The following CDC14A variants were observed in gnomAD, a reference collection of about 807,000 sequenced individuals.
CDC14A encodes cell division cycle 14A, also known as dual specificity protein phosphatase CDC14A.
A neutral mutation model predicts 74.4 loss-of-function variants in CDC14A; 53 were observed. The ratio of observed to expected loss-of-function variants is 0.71; its 90% confidence interval spans 0.57 to 0.89. The LOEUF (loss-of-function observed/expected upper bound fraction) is 0.89, where lower values mean the gene tolerates loss of function less well. Among genes scored for constraint, CDC14A ranks in the 40% least tolerant of loss-of-function variants. CDC14A has a pLI of 0.00. For missense variants in CDC14A, 646 were observed against 713.7 expected (o/e 0.91, Z 1.08); for synonymous variants, 247 against 258.4 (o/e 0.96, Z 0.43).
rs1307916949 is a variant in CDC14A, at chr1:100,448,030, C to T, written c.519+5034C>T. 3.9e-5 allele frequency among the ~76,000 whole-genome samples: 6 copies of T among 152,296 alleles called. No individual in the cohort carries two copies. In the East Asian group the frequency reaches 5.8e-4, roughly 15 times the overall value. On this transcript the variant is annotated intron_variant, in intron 7 of 15. Transcript: ENST00000336454. Reference sequence around the variant, plus strand: ...TGATGATGGAAGTGTGATGCGGTAGCAGTGTCCTGTTCTTAGTTGGGTTTG... The same window carrying T: ...TGATGATGGAAGTGTGATGCGGTAGTAGTGTCCTGTTCTTAGTTGGGTTTG...
Position 100,498,145 on chromosome 1 carries a change from C to G in CDC14A, c.1359C>G (p.Ser453=), listed in dbSNP as rs373444603. The G allele has an allele frequency of 2.5e-6, 4 of 1,614,056 alleles. No homozygotes were observed. The change falls in exon 14 of 16, where the codon TCC becomes TCG. Residue 453 remains serine (S), a synonymous_variant. Coordinates refer to ENST00000336454, the MANE Select transcript of CDC14A (RefSeq NM_003672.4). ...VTLKTSKMAL[S]PSATAKRINR... ...TGAAGACATCAAAAATGGCACTGTCCCCTTCAGCAACGGCCAAGAGGATCA... is the reference window on the plus strand; with the variant it reads ...TGAAGACATCAAAAATGGCACTGTCGCCTTCAGCAACGGCCAAGAGGATCA...
intron 4 of CDC14A, among the ~76,000 whole-genome samples, chr1:100,407,399 C>T (rs1358314226): frequency 6.6e-6 from 1 of 152,068 alleles, no homozygotes; most frequent in Non-Finnish European, 1.5e-5. Context: ...TGTAGTTCTC[C>T]TTGAAAAGAT....
chr1:100,456,662 T>A (rs1184707184), intron 8 of CDC14A, among the ~76,000 whole-genome samples: 3 of 152,206 alleles, frequency 2.0e-5, no homozygotes, highest in Non-Finnish European at 4.4e-5. Context: ...AAGATTTATT[T>A]TTCTTTAATC....
intron 3 of CDC14A, among the ~76,000 whole-genome samples, chr1:100,382,819 C>T (rs1016805021): frequency 2.6e-5 from 4 of 152,146 alleles, no homozygotes; most frequent in Admixed American, 2.6e-4. Flanking sequence ...TATCATGAAA[C>T]CAACCATTAT....
chr1:100,380,101 A>G (rs752346665), intron 3 of CDC14A, among the ~76,000 whole-genome samples: 55 of 152,232 alleles, frequency 3.6e-4, no homozygotes, highest in Non-Finnish European at 5.1e-4. Context: ...CCAATGTAAC[A>G]TTTGTGAATT....
chr1:100,420,053 C>CATATATATATATAT (rs1420823843), intron 4 of CDC14A, among the ~76,000 whole-genome samples: 6 of 18,388 alleles, frequency 3.3e-4, no homozygotes, highest in African/African-American at 1.2e-3. Flanking sequence ...CACACACACA[C>CATATATATATATAT]ACACACACAC....
At chr1:100,485,839 A>G (rs766099177) in intron 11 of CDC14A, 4 of 152,240 alleles carry the variant, frequency 2.6e-5, no homozygotes, top group Admixed American at 1.3e-4. Flanking sequence ...CAAAGGATGG[A>G]GACCGTTGGA....
chr1:100,442,976 G>T lies in CDC14A; in HGVS notation c.499G>T (p.Asp167Tyr), dbSNP rs557417543. Residue 167 changes from aspartate to tyrosine, a missense_variant, in exon 7 of 16, where the codon GAT becomes TAT. Asp to Tyr is a radical substitution (Grantham distance 160, BLOSUM62 -3). Transcript: ENST00000336454. ...GFFDFETFDV[D>Y]EYEHYERVEN... is the part of the protein sequence containing the mutation. ...TTTTGACTTTGAGACATTTGATGTG[G>T]ATGAATATGAACATTATGAGGTTTG... 2.5e-6 allele frequency: 4 copies of T among 1,597,922 alleles called. No individual in the cohort carries two copies. The East Asian group carries it at 6.7e-5, about 27-fold the overall frequency.
At position 100,355,595 on chromosome 1, in the gene CDC14A, T is replaced by C. The variant is rs1259215622; in HGVS notation, c.140+1743T>C. Among the ~76,000 whole-genome samples, 6 of 152,302 alleles carry C rather than the reference T, an allele frequency of 3.9e-5. No homozygotes were observed. In the East Asian group the frequency reaches 7.7e-4, roughly 20 times the overall value. On this transcript the variant is annotated intron_variant, in intron 2 of 15. Coordinates refer to ENST00000336454, the MANE Select transcript of CDC14A (RefSeq NM_003672.4). ...TGCTGGAGAATCCATCCAATTTATA[T>C]TGTGAGTTGGGATTGACATTTGAAA...
chr1:100,449,143 C>T (rs1197714579), intron 7 of CDC14A, among the ~76,000 whole-genome samples: 1 of 152,176 alleles, frequency 6.6e-6, no homozygotes, highest in African/African-American at 2.4e-5. Flanking sequence ...AAGACCATTT[C>T]TATTCTAGAA....
At chr1:100,414,289 A>AC (rs1323111714) in intron 4 of CDC14A, among the ~76,000 whole-genome samples, 2 of 152,032 alleles carry the variant, frequency 1.3e-5, no homozygotes, top group East Asian at 1.9e-4. Flanking sequence ...AACATAGTAG[A>AC]CCCCATCTCT....
At chr1:100,352,408 G>C (rs1043497435), upstream of CDC14A, 1 of 964,216 alleles carries the variant, frequency 1.0e-6, no homozygotes, top group African/African-American at 1.8e-5. Context: ...AAGTGGAGGG[G>C]GCTGAGGGAG....
Position 100,498,136 on chromosome 1 carries a change from G to T in CDC14A, c.1350G>T (p.Met450Ile). The change falls in exon 14 of 16, where the codon ATG becomes ATT. Residue 450 changes from methionine to isoleucine, a missense_variant. By Grantham distance (10) the Met-to-Ile change is conservative (BLOSUM62 1). Transcript: ENST00000336454. ...CAGTTACTTTGAAGACATCAAAAAT[G>T]GCACTGTCCCCTTCAGCAACGGCCA... ...GSAVTLKTSK[M>I]ALSPSATAKR... The T allele has an allele frequency of 1.2e-6, 2 of 1,614,118 alleles. No individual in the cohort carries two copies. Among genetic ancestry groups the T allele is most frequent in the Non-Finnish European group, 1.7e-6 (2 of 1,179,966 alleles).
intron 7 of CDC14A, among the ~76,000 whole-genome samples, chr1:100,450,060 G>A (rs1557772147): frequency 1.3e-5 from 2 of 151,620 alleles, no homozygotes; most frequent in African/African-American, 4.9e-5. Flanking sequence ...ATTGCTAGAT[G>A]TTTTAATCTA....
chr1:100,379,890 A>T (rs575454818), intron 3 of CDC14A, among the ~76,000 whole-genome samples: 1 of 152,118 alleles, frequency 6.6e-6, no homozygotes, highest in East Asian at 1.9e-4. Context: ...TTAACAACAA[A>T]ATCTTGGGGG....
At chr1:100,485,536 C>T (rs923751679) in intron 11 of CDC14A, among the ~76,000 whole-genome samples, 7 of 151,706 alleles carry the variant, frequency 4.6e-5, no homozygotes, top group African/African-American at 1.7e-4. Flanking sequence ...GCACTCTATC[C>T]TGGGCGACAG....
At chr1:100,467,115 GACAT>G (rs1483077751) in intron 9 of CDC14A, among the ~76,000 whole-genome samples, 1 of 152,076 alleles carries the variant, frequency 6.6e-6, no homozygotes, top group African/African-American at 2.4e-5. Flanking sequence ...CTGATTTAAA[GACAT>G]ACATTTTTCA....
chr1:100,445,563 A>G (rs996049069), intron 7 of CDC14A, among the ~76,000 whole-genome samples: 1 of 152,216 alleles, frequency 6.6e-6, no homozygotes, highest in South Asian at 2.1e-4. Flanking sequence ...GGTGAGAGAG[A>G]AGAAGGAACA....
In CDC14A at chr1:100,377,276, G is replaced by T. The variant is rs549517119; in HGVS notation, c.141-270G>T. On this transcript the variant is annotated intron_variant, in intron 2 of 15. Coordinates refer to ENST00000336454, the MANE Select transcript of CDC14A (RefSeq NM_003672.4). ...GCTGGTCTCGAACACCTGACCTCAGGCAGTCTGCCTGCCCCAGCCTCCCAA... is the reference window on the plus strand; with the variant it reads ...GCTGGTCTCGAACACCTGACCTCAGTCAGTCTGCCTGCCCCAGCCTCCCAA... Among the ~76,000 whole-genome samples, 15 of 152,240 alleles carry T rather than the reference G, an allele frequency of 9.9e-5. No individual in the cohort carries two copies. The South Asian group carries it at 3.1e-3, about 32-fold the overall frequency.
Sources: gnomAD v4.1 joint callset for allele counts (sites outside exome capture counted in the v4.1 genomes callset) on GRCh38, gnomAD v4.1.1 for gene constraint, MANE v1.5 for transcripts, NCBI Gene and HGNC (gene_info 2026-07-23, HGNC 2026-07-21) for gene names.